Variants in MND1 observed in about 807,000 individuals in gnomAD.
MND1 encodes meiotic nuclear division protein 1 homolog.
MND1 carries 28 observed loss-of-function variants against 35.1 expected under a neutral mutation model. The ratio of observed to expected loss-of-function variants is 0.80; its 90% confidence interval spans 0.59 to 1.09. The LOEUF (loss-of-function observed/expected upper bound fraction) is 1.09. MND1 is among the 50% of genes least tolerant of loss of function. The pLI is 0.00. For missense variants in MND1, 213 were observed against 239.6 expected, an observed-to-expected ratio of 0.89 and a Z score of 0.73; for synonymous variants, 69 against 70.5, an observed-to-expected ratio of 0.98 and a Z score of 0.11.
chr4:153,374,668 G>A (rs79156570), intron 4 of MND1, among the ~76,000 whole-genome samples: 2,582 of 151,770 alleles, frequency 0.017, 51 homozygotes, highest in East Asian at 0.076. Flanking sequence ...TCTTCTGCCA[G>A]TGATTCCAAT....
chr4:153,383,312 A>G (rs960803729), intron 4 of MND1, among the ~76,000 whole-genome samples: 4 of 152,196 alleles, frequency 2.6e-5, no homozygotes, highest in Non-Finnish European at 5.9e-5. Context: ...GAGAAGCCGG[A>G]TGGTGAGAGG....
At chr4:153,410,732 C>G (rs763917196) in intron 7 of MND1, among the ~76,000 whole-genome samples, 4 of 151,988 alleles carry the variant, frequency 2.6e-5, no homozygotes, top group Non-Finnish European at 4.4e-5. Context: ...GGCTCATGCC[C>G]GTAATCCCAG....
intron 4 of MND1, among the ~76,000 whole-genome samples, chr4:153,393,919 G>GTTTTTTTTTTT (rs1360869360): frequency 1.8e-5 from 1 of 55,576 alleles, no homozygotes; most frequent in Non-Finnish European, 3.6e-5. Flanking sequence ...GTTTGACTTT[G>GTTTTTTTTTTT]TTTTCTTTTT....
chr4:153,379,012 C>T (rs549757776), intron 4 of MND1, among the ~76,000 whole-genome samples: 32 of 152,076 alleles, frequency 2.1e-4, no homozygotes, highest in African/African-American at 6.7e-4. Flanking sequence ...AAGCGGGCTG[C>T]GCGCGGTGAC....
chr4:153,406,774 T>G (rs1729521255), intron 6 of MND1, among the ~76,000 whole-genome samples: 2 of 152,172 alleles, frequency 1.3e-5, no homozygotes, highest in African/African-American at 4.8e-5. Context: ...GAGATACTAC[T>G]TCACACTTCT....
At chr4:153,391,984 C>G (rs1392747510) in intron 4 of MND1, among the ~76,000 whole-genome samples, 2 of 151,898 alleles carry the variant, frequency 1.3e-5, no homozygotes, top group Non-Finnish European at 2.9e-5. Context: ...AACCTACCAA[C>G]TTTTTGAAGA....
intron 6 of MND1, among the ~76,000 whole-genome samples, chr4:153,399,938 G>GT: frequency 9.1e-6 from 1 of 109,804 alleles, no homozygotes; most frequent in South Asian, 2.9e-4. Context: ...GCCTTGCTCT[G>GT]TCTCCCAGAC....
chr4:153,349,386 A>C (rs1561052665), intron 1 of MND1, among the ~76,000 whole-genome samples: 1 of 152,112 alleles, frequency 6.6e-6, no homozygotes, highest in Non-Finnish European at 1.5e-5. Context: ...TCTTGTCACT[A>C]GTCTGCTTTA....
intron 4 of MND1, among the ~76,000 whole-genome samples, chr4:153,368,107 T>A (rs1773702092): frequency 6.6e-6 from 1 of 152,248 alleles, no homozygotes; most frequent in Non-Finnish European, 1.5e-5. Flanking sequence ...ATCTTAGTTA[T>A]GAATTTAGAA....
chr4:153,393,450 A>T (rs1336653185), intron 4 of MND1, among the ~76,000 whole-genome samples: 1 of 148,302 alleles, frequency 6.7e-6, no homozygotes, highest in Admixed American at 6.9e-5. Context: ...AGTTCACTGC[A>T]GCCTGAAGCT....
intron 4 of MND1, among the ~76,000 whole-genome samples, chr4:153,370,817 C>T (rs1341605316): frequency 6.6e-6 from 1 of 151,912 alleles, no homozygotes. Context: ...CCATGCCTGG[C>T]CACAGATATT....
chr4:153,376,020 TCTC>T (rs1228310957), intron 4 of MND1, among the ~76,000 whole-genome samples: 1 of 152,152 alleles, frequency 6.6e-6, no homozygotes, highest in African/African-American at 2.4e-5. Context: ...ATCTGCTAGT[TCTC>T]CTGAAATATA....
In MND1 at chr4:153,358,749, T is replaced by C. The variant is rs1472990619; in HGVS notation, c.276+127T>C. ...CATTATTTGACTGAAAGTCTAAAGATAATTAACATCTGTTTCTCCTAAACA... is the reference window on the plus strand; with the variant it reads ...CATTATTTGACTGAAAGTCTAAAGACAATTAACATCTGTTTCTCCTAAACA... On this transcript the variant is annotated intron_variant, in intron 4 of 7. Coordinates refer to ENST00000240488, the MANE Select transcript of MND1 (RefSeq NM_032117.4). 7.1e-6 allele frequency: 6 copies of C among 841,516 alleles called. No homozygotes were observed. The African/African-American group carries it at 8.7e-5, about 12-fold the overall frequency. The allele number at this position is 841,516 out of a possible 1,614,324, so 52.1% of individuals were successfully genotyped here.
intron 2 of MND1, 80 bp downstream of exon 2, chr4:153,350,209 C>T (rs1773180192): frequency 4.2e-6 from 4 of 960,700 alleles, no homozygotes; most frequent in African/African-American, 1.6e-5. Context: ...ACTGTCCCCT[C>T]TTTGTTAAAC....
intron 4 of MND1, among the ~76,000 whole-genome samples, chr4:153,366,503 A>G: frequency 6.6e-6 from 1 of 152,258 alleles, no homozygotes; most frequent in East Asian, 1.9e-4. Flanking sequence ...AAGTGGAAAT[A>G]TCAAGTAGAC....
At chr4:153,373,615 C>T (rs1728389751) in intron 4 of MND1, among the ~76,000 whole-genome samples, 1 of 152,204 alleles carries the variant, frequency 6.6e-6, no homozygotes, top group South Asian at 2.1e-4. Flanking sequence ...TGTGACATGG[C>T]CCTCTTTCCC....
intron 4 of MND1, among the ~76,000 whole-genome samples, chr4:153,367,389 A>G (rs897835846): frequency 2.0e-5 from 3 of 152,210 alleles, no homozygotes; most frequent in Non-Finnish European, 2.9e-5. Context: ...GACATTCTAT[A>G]TGAATGGAAT....
intron 4 of MND1, among the ~76,000 whole-genome samples, chr4:153,366,676 A>G (rs1455294760): frequency 6.6e-6 from 1 of 152,236 alleles, no homozygotes. Flanking sequence ...GGTTACAAGT[A>G]CTAGGACATT....
intron 1 of MND1, 112 bp downstream of exon 1, chr4:153,344,852 G>A: frequency 6.7e-7 from 1 of 1,499,896 alleles, no homozygotes; most frequent in Non-Finnish European, 8.9e-7. Context: ...TCCGGGCCGC[G>A]GGAGCGGTCG....
Sources: gnomAD v4.1 joint callset for allele counts (sites outside exome capture counted in the v4.1 genomes callset) on GRCh38, gnomAD v4.1.1 for gene constraint, MANE v1.5 for transcripts, NCBI Gene and HGNC (gene_info 2026-07-23, HGNC 2026-07-21) for gene names.